Variants in FLNB observed in about 807,000 individuals in gnomAD.
FLNB encodes filamin B, also known as filamin-B.
Under a neutral mutation model 250.6 loss-of-function variants are expected in FLNB, and 111 were observed. The observed-to-expected ratio is 0.44, with a 90% confidence interval of 0.38 to 0.52. FLNB has a LOEUF of 0.52. Among genes scored for constraint, FLNB ranks in the 20% least tolerant of loss-of-function variants. The pLI is 0.00. For synonymous variants in FLNB, 1,302 were observed against 1,372.1 expected (o/e 0.95, Z 1.13); for missense variants, 2,869 against 3,447.8 (o/e 0.83, Z 4.20).
At chr3:58,046,023 A>T (rs1027027135) in intron 1 of FLNB, among the ~76,000 whole-genome samples, 2 of 149,388 alleles carry the variant, frequency 1.3e-5, no homozygotes, top group African/African-American at 5.1e-5. Flanking sequence ...AAAAAAAAAA[A>T]AGACTTGAGT....
chr3:58,031,543 CTTTTTTTT>C (rs764190111), intron 1 of FLNB, among the ~76,000 whole-genome samples: 15 of 77,152 alleles, frequency 1.9e-4, no homozygotes, highest in South Asian at 7.0e-4. Flanking sequence ...CGTGCCCTGC[CTTTTTTTT>C]TTTTTTTTTT....
chr3:58,163,257 T>C lies in FLNB; in HGVS notation c.7125T>C (p.Val2375=), dbSNP rs143223509. 1.6e-5 allele frequency: 26 copies of C among 1,614,212 alleles called. No homozygotes were observed. The African/African-American group carries it at 2.3e-4, about 14-fold the overall frequency. The change falls in exon 43 of 46, where the codon GTT becomes GTC. Residue 2375 remains valine, a synonymous_variant. Transcript: ENST00000295956. ...HVVGSPFKVR[V]GEPGQAGNPA... ...TTGGAAGCCCCTTCAAAGTGCGCGT[T>C]GGGGAGCCTGGACAAGCGGGGAACC... is the stretch of plus-strand genomic sequence containing the variant.
At chr3:58,037,476 C>T (rs28361407) in intron 1 of FLNB, among the ~76,000 whole-genome samples, 2,198 of 152,298 alleles carry the variant, frequency 0.014, 52 homozygotes, top group African/African-American at 0.05. Context: ...TGGGGAGGTT[C>T]CTTCACCCTT....
At position 58,040,639 on chromosome 3, in the gene FLNB, C is replaced by T. The variant is rs189327962; in HGVS notation, c.292+31783C>T. On this transcript the variant is annotated intron_variant, in intron 1 of 45. Transcript: ENST00000295956. ...CCTCCTGAGTAGCTGGGACTATAGG[C>T]GCATCCTGCCATGCCTGGCTAAGTT... 4.5e-4 allele frequency among the ~76,000 whole-genome samples: 69 copies of T among 152,256 alleles called. 1 individual carries two copies. The highest frequency in any genetic ancestry group is 7.2e-4 in the Non-Finnish European group (49 of 68,018).
rs1158650879 is a variant in FLNB, at chr3:58,130,908, G to C, written c.4390G>C (p.Gly1464Arg). 1 of 1,609,892 alleles carries C rather than the reference G, an allele frequency of 6.2e-7. No homozygotes were observed. Among genetic ancestry groups the C allele is most frequent in the Admixed American group, 1.7e-5 (1 of 59,776 alleles). ...PLEVRVLGPRGLVEPVNVVDN... is the reference protein window; with the variant it reads ...PLEVRVLGPRRLVEPVNVVDN... ...GGAAGTGAGGGTTCTGGGCCCACGA[G>C]GTAAGTGTGCACCCTGCCTTCCTGC... is the stretch of plus-strand genomic sequence containing the variant. The change falls in exon 25 of 46, where the codon GGC becomes CGC. Residue 1464 changes from glycine (G) to arginine (R), a missense_variant and splice_region_variant. Gly to Arg is a moderately radical substitution (Grantham distance 125, BLOSUM62 -2). Coordinates refer to ENST00000295956, the MANE Select transcript of FLNB (RefSeq NM_001457.4).
chr3:58,013,920 G>A (rs1264090848), intron 1 of FLNB, among the ~76,000 whole-genome samples: 1 of 152,220 alleles, frequency 6.6e-6, no homozygotes, highest in Non-Finnish European at 1.5e-5. Flanking sequence ...TGTCACTTGT[G>A]TAGTAGTTAA....
Position 58,142,785 on chromosome 3 carries a change from C to A in FLNB, c.5284+33C>A. 6.4e-7 allele frequency: 1 copy of A among 1,565,724 alleles called. No individual in the cohort carries two copies. The highest frequency in any genetic ancestry group is 8.8e-7 in the Non-Finnish European group (1 of 1,136,538). On this transcript the variant is annotated intron_variant, in intron 31 of 45. Coordinates refer to ENST00000295956, the MANE Select transcript of FLNB (RefSeq NM_001457.4). This position sits in a 1 kb window ranked among gnomAD's most constrained non-coding sequence, Gnocchi z 4.3. ...CTTGCCATAAAGGCCGTCTCATTCT[C>A]ACTTGCTCTCACGAGCTTCCCAGAA...
chr3:58,114,707 G>GTTTTTTTTT (rs568292098), intron 18 of FLNB, among the ~76,000 whole-genome samples: 4 of 138,848 alleles, frequency 2.9e-5, no homozygotes, highest in Non-Finnish European at 3.1e-5. Flanking sequence ...TTTTTTTTCT[G>GTTTTTTTTT]TTTTTTTTTT....
intron 42 of FLNB, among the ~76,000 whole-genome samples, chr3:58,160,650 T>C (rs905970516): frequency 3.3e-5 from 5 of 152,182 alleles, no homozygotes; most frequent in Non-Finnish European, 7.3e-5. Context: ...GATTACTGCC[T>C]TATAGGGCAT....
chr3:58,013,451 A>C (rs2097101783), intron 1 of FLNB, among the ~76,000 whole-genome samples: 1 of 152,148 alleles, frequency 6.6e-6, no homozygotes, highest in African/African-American at 2.4e-5. Context: ...ATAATTTCCA[A>C]ATAACCTTAA....
At chr3:58,103,302 G>T (rs577370494) in intron 9 of FLNB, among the ~76,000 whole-genome samples, 4 of 151,476 alleles carry the variant, frequency 2.6e-5, no homozygotes, top group African/African-American at 7.3e-5. Context: ...GTGCACGCGC[G>T]TGCATGCCTC....
chr3:58,030,550 C>T (rs1242396823), intron 1 of FLNB, among the ~76,000 whole-genome samples: 1 of 150,106 alleles, frequency 6.7e-6, no homozygotes, highest in East Asian at 2.1e-4. Context: ...TGGGTCCTAT[C>T]TGGAGGGGAT....
intron 1 of FLNB, among the ~76,000 whole-genome samples, chr3:58,010,254 C>G (rs2097096596): frequency 6.6e-6 from 1 of 152,098 alleles, no homozygotes; most frequent in Non-Finnish European, 1.5e-5. Flanking sequence ...TATAGTGACC[C>G]TAGTGACAGG....
rs563875553 is a variant in FLNB at position 58,169,482 on chromosome 3, G to A, written c.7418-108G>A. 11 of 857,062 alleles carry A rather than the reference G, an allele frequency of 1.3e-5. No individual in the cohort carries two copies. The African/African-American group carries it at 1.5e-4, about 12-fold the overall frequency. 53.1% of individuals were successfully genotyped at this position (857,062 alleles called of 1,614,324 possible). A position where few individuals can be genotyped will look rare whatever the true frequency, so the allele number is the denominator to read the frequency against. ...GGTGTGGTGGCTTTTGTGTTGGGGT[G>A]CGCGGGCTCTCCTGGGGTTACTGTG... On this transcript the variant is annotated intron_variant, in intron 44 of 45. Transcript: ENST00000295956. The surrounding 1 kb of genome is among the most constrained non-coding windows in gnomAD (Gnocchi z 4.8).
rs1459284714 is a variant in FLNB at position 58,170,714 on chromosome 3, G to C, written c.7761G>C (p.Trp2587Cys). ...GCGATTATGTGCTGGCTGTGAAGTGGGGGGAGGAACACATCCCTGGCAGCC... is the reference window on the plus strand; with the variant it reads ...GCGATTATGTGCTGGCTGTGAAGTGCGGGGAGGAACACATCCCTGGCAGCC... Reference protein sequence around the residue: ...ERGDYVLAVKWGEEHIPGSPF... With the variant: ...ERGDYVLAVKCGEEHIPGSPF... Residue 2587 changes from tryptophan (W) to cysteine (C), a missense_variant, in exon 46 of 46, where the codon TGG (tryptophan) becomes TGC (cysteine). This residue lies in a region of FLNB where 1,084 missense variants were observed against 1,315.5 expected (regional missense o/e 0.82). Coordinates refer to ENST00000295956, the MANE Select transcript of FLNB (RefSeq NM_001457.4). 3 of 1,614,024 alleles carry C rather than the reference G, an allele frequency of 1.9e-6. No homozygotes were observed. The highest frequency in any genetic ancestry group is 1.7e-6 in the Non-Finnish European group (2 of 1,180,030).
At chr3:58,167,207 C>G (rs1327811853) in intron 43 of FLNB, among the ~76,000 whole-genome samples, 1 of 152,196 alleles carries the variant, frequency 6.6e-6, no homozygotes, top group Non-Finnish European at 1.5e-5. Flanking sequence ...CTCCTTGTTG[C>G]TCACCTCCCG....
At chr3:58,065,570 G>C (rs1356277287) in intron 1 of FLNB, among the ~76,000 whole-genome samples, 2 of 152,222 alleles carry the variant, frequency 1.3e-5, no homozygotes, top group Non-Finnish European at 2.9e-5. Flanking sequence ...GATTGCACAA[G>C]GTGATGCAAG....
chr3:58,136,416 A>G (rs2097316079), intron 28 of FLNB, among the ~76,000 whole-genome samples: 1 of 152,188 alleles, frequency 6.6e-6, no homozygotes, highest in South Asian at 2.1e-4. Context: ...AGGCATGAAA[A>G]ATGCTTAGCA....
At chr3:58,100,589 C>CTTTTTTTT (rs147921421) in intron 8 of FLNB, among the ~76,000 whole-genome samples, 68 of 124,950 alleles carry the variant, frequency 5.4e-4, no homozygotes, top group Middle Eastern at 4.2e-3. Context: ...TTTTCTTTTT[C>CTTTTTTTT]TTTTTTTTTT....
Sources: allele counts gnomAD v4.1 joint callset (sites outside exome capture counted in the v4.1 genomes callset), GRCh38; gene constraint gnomAD v4.1.1; regional missense constraint gnomAD v4.1.1; non-coding constraint Gnocchi (gnomAD v3.1); transcripts MANE v1.5; gene names NCBI Gene and HGNC (gene_info 2026-07-23, HGNC 2026-07-21).